CFAP44: variants seen among roughly 807,000 people sequenced by gnomAD.
CFAP44 encodes cilia- and flagella-associated protein 44.
Under a neutral mutation model 216.2 loss-of-function variants are expected in CFAP44, and 134 were observed. The ratio of observed to expected loss-of-function variants is 0.62; its 90% confidence interval spans 0.54 to 0.72. The LOEUF (loss-of-function observed/expected upper bound fraction) is 0.72, where lower values mean the gene tolerates loss of function less well. CFAP44 is among the 30% of genes least tolerant of loss of function. The pLI is 0.00. For missense variants in CFAP44, 2,035 were observed against 2,182.1 expected (o/e 0.93, Z 1.34); for synonymous variants, 700 against 727.6 (o/e 0.96, Z 0.61).
In CFAP44 at chr3:113,290,834, GA is replaced by G. The variant is rs1469801843; in HGVS notation, c.*722del. 1 of 152,194 alleles carries G rather than the reference GA, an allele frequency of 6.6e-6. No homozygotes were observed. The highest frequency in any genetic ancestry group is 1.5e-5 in the Non-Finnish European group (1 of 68,032). The allele number at this position is 152,194 out of a possible 1,614,324, so 9.4% of individuals were successfully genotyped here. ...AACTTAGAATTCTGACGGAGTTGCA[GA>G]AATCTTTAAAGAAAAGCCTCTTTAT... is the stretch of plus-strand genomic sequence containing the variant. On this transcript the variant is annotated 3_prime_UTR_variant, in exon 35 of 35. Transcript: ENST00000393845.
Sources: allele counts gnomAD v4.1 joint callset, GRCh38; gene constraint gnomAD v4.1.1; transcripts MANE v1.5; gene names NCBI Gene and HGNC (gene_info 2026-07-23, HGNC 2026-07-21).